Variants in CTNNA1 observed in about 807,000 individuals in gnomAD.
The protein encoded by CTNNA1 is catenin alpha-1.
Under a neutral mutation model 98.4 loss-of-function variants are expected in CTNNA1, and 37 were observed. The ratio of observed to expected loss-of-function variants is 0.38; its 90% CI spans 0.29 to 0.49. CTNNA1 has a LOEUF of 0.49. Ranked by LOEUF, CTNNA1 falls within the 20% of genes least tolerant of loss-of-function variation. CTNNA1 has a pLI of 0.95. For synonymous variants in CTNNA1, 404 were observed against 413.2 expected (o/e 0.98, Z 0.27); for missense variants, 761 against 1,147.2 (o/e 0.66, Z 4.86).
chr5:138,925,982 C>T (rs9327829), intron 13 of CTNNA1, among the ~76,000 whole-genome samples: 44,203 of 152,020 alleles, frequency 0.29, 6,592 homozygotes, highest in African/African-American at 0.32. Flanking sequence ...CCCGGCATAC[C>T]GTCCTGCTCT....
intron 3 of CTNNA1, among the ~76,000 whole-genome samples, chr5:138,804,561 A>G (rs1757894851): frequency 6.6e-6 from 1 of 152,232 alleles, no homozygotes; most frequent in African/African-American, 2.4e-5. Context: ...TAAAGGGAAC[A>G]ATACAGTATT....
intron 10 of CTNNA1, among the ~76,000 whole-genome samples, chr5:138,906,734 A>G (rs1759336009): frequency 6.6e-6 from 1 of 152,224 alleles, no homozygotes; most frequent in Admixed American, 6.5e-5. Context: ...TTAGGCAGAC[A>G]GTGCCCAGAC....
At chr5:138,764,140 G>A (rs1752649726) in intron 1 of CTNNA1, among the ~76,000 whole-genome samples, 1 of 152,148 alleles carries the variant, frequency 6.6e-6, no homozygotes, top group Non-Finnish European at 1.5e-5. Flanking sequence ...AGCTGAGATT[G>A]TGCCATTGCA....
chr5:138,810,800 T>C (rs13182509), intron 4 of CTNNA1, among the ~76,000 whole-genome samples: 1 of 152,242 alleles, frequency 6.6e-6, no homozygotes, highest in Admixed American at 6.5e-5. Context: ...CAATGAGCTG[T>C]TGGGTACACC....
intron 5 of CTNNA1, among the ~76,000 whole-genome samples, chr5:138,815,161 A>G (rs956995658): frequency 2.0e-5 from 3 of 152,040 alleles, no homozygotes; most frequent in Non-Finnish European, 4.4e-5. Flanking sequence ...TTTTAATACC[A>G]TGTTCCATGG....
chr5:138,905,010 C>T (rs1334065746), intron 10 of CTNNA1, among the ~76,000 whole-genome samples: 2 of 148,344 alleles, frequency 1.3e-5, no homozygotes, highest in Admixed American at 6.8e-5. Flanking sequence ...AGCAGAATGG[C>T]GTGAACCTGG....
chr5:138,754,867 C>A (rs569609966), intron 1 of CTNNA1: 1 of 152,284 alleles, frequency 6.6e-6, no homozygotes, highest in South Asian at 2.1e-4. Flanking sequence ...AAGTGATCCC[C>A]CCACCTCGGC....
At chr5:138,811,057 G>A (rs866103589) in intron 4 of CTNNA1, among the ~76,000 whole-genome samples, 1,937 of 151,810 alleles carry the variant, frequency 0.013, 12 homozygotes, top group African/African-American at 0.036. Context: ...GCTGCCGGGC[G>A]GAGACGCTCC....
chr5:138,787,420 A>C (rs1219005522), intron 3 of CTNNA1, among the ~76,000 whole-genome samples: 1 of 148,126 alleles, frequency 6.8e-6, no homozygotes, highest in Non-Finnish European at 1.5e-5. Flanking sequence ...TCCGTCTCCA[A>C]AAAAAAAAAA....
intron 13 of CTNNA1, among the ~76,000 whole-genome samples, chr5:138,927,155 G>A (rs1416039182): frequency 3.9e-5 from 6 of 152,102 alleles, no homozygotes; most frequent in Admixed American, 2.6e-4. Flanking sequence ...CCCATCCTGG[G>A]TGCCTACAGT....
At position 138,753,463 on chromosome 5, in the gene CTNNA1, C is replaced by T. The variant is rs935824136; in HGVS notation, c.-50C>T. On this transcript the variant is annotated 5_prime_UTR_variant, in exon 1 of 18. Transcript: ENST00000302763. Reference sequence around the variant, plus strand: ...GACTGGAGGGAGACAAAGCAGCGCCCGTCTGCTTCGGGCCTCTGGAATTTA... The same window carrying T: ...GACTGGAGGGAGACAAAGCAGCGCCTGTCTGCTTCGGGCCTCTGGAATTTA... 15 of 377,904 alleles carry T rather than the reference C, an allele frequency of 4.0e-5. No individual in the cohort carries two copies. Among genetic ancestry groups the T allele is most frequent in the East Asian group, 1.5e-4 (4 of 26,550 alleles). The allele number at this position is 377,904 out of a possible 1,614,324, so 23.4% of individuals were successfully genotyped here.
rs77548631 is a variant in CTNNA1, at chr5:138,902,737, G to A, written c.1297-1612G>A. 8.4e-3 allele frequency among the ~76,000 whole-genome samples: 1,275 copies of A among 152,270 alleles called. 9 individuals carry two copies. The highest frequency in any genetic ancestry group is 0.013 in the Non-Finnish European group (906 of 68,022). On this transcript the variant is annotated intron_variant, in intron 9 of 17. Transcript: ENST00000302763. ...CCCGGTACACCAGCGATCTTTGTTA[G>A]TCACAAAATGCTAATTTTTTCAATG...
intron 17 of CTNNA1, 115 bp downstream of exon 17, chr5:138,932,827 A>T (rs897274967): frequency 9.1e-6 from 12 of 1,321,250 alleles, no homozygotes; most frequent in Non-Finnish European, 1.2e-5. Flanking sequence ...GCTGTGCAGA[A>T]ACTCCAAGTC....
intron 3 of CTNNA1, among the ~76,000 whole-genome samples, chr5:138,806,135 C>A (rs1320502775): frequency 6.6e-6 from 1 of 152,194 alleles, no homozygotes; most frequent in Non-Finnish European, 1.5e-5. Flanking sequence ...GTGGACAAGA[C>A]CATTCTTCAT....
rs780754627 is a variant in CTNNA1, at chr5:138,874,887, CAT to C, written c.1063-11321_1063-11320del. 20 of 1,608,650 alleles carry C rather than the reference CAT, an allele frequency of 1.2e-5. No individual in the cohort carries two copies. Among genetic ancestry groups the C allele is most frequent in the Admixed American group, 1.7e-5 (1 of 59,324 alleles). The stretch of plus-strand genomic sequence containing the variant: ...GTGATTCCTTGTTGAATGTACAAGA[CAT>C]ATAAATGCACAGACTTACCCATTCT... On this transcript the variant is annotated intron_variant, in intron 7 of 17. Transcript: ENST00000302763. The surrounding 1 kb of genome is among the most constrained non-coding windows in gnomAD (Gnocchi z 4.1).
intron 1 of CTNNA1, among the ~76,000 whole-genome samples, chr5:138,781,607 G>C (rs534072129): frequency 2.4e-4 from 37 of 151,492 alleles, no homozygotes; most frequent in South Asian, 1.7e-3. Context: ...TTTTCATCTT[G>C]TTTCTAAAGG....
In CTNNA1 at chr5:138,866,273, C is replaced by CATTTATTTATTT. The variant is rs201730664; in HGVS notation, c.1063-19894_1063-19883dup. On this transcript the variant is annotated intron_variant, in intron 7 of 17. Coordinates refer to ENST00000302763, the MANE Select transcript of CTNNA1 (RefSeq NM_001903.5). ...GCAACCTGTAGATTCTGTTGTAACT[C>CATTTATTTATTT]ATTTATTTATTTATTTATTTATTTA... Among the ~76,000 whole-genome samples the CATTTATTTATTT allele has an allele frequency of 5.6e-3, 771 of 138,574 alleles. 5 individuals are homozygous for CATTTATTTATTT. Among genetic ancestry groups the CATTTATTTATTT allele is most frequent in the East Asian group, 8.6e-3 (40 of 4,654 alleles). 90.9% of individuals were successfully genotyped at this position (138,574 alleles called of 152,430 possible).
chr5:138,905,756 T>G (rs1445076262), intron 10 of CTNNA1, among the ~76,000 whole-genome samples: 1 of 152,236 alleles, frequency 6.6e-6, no homozygotes, highest in South Asian at 2.1e-4. Context: ...TTTGTCTGGC[T>G]TGACACTCCT....
rs1561623952 is a variant in CTNNA1 at position 138,874,490 on chromosome 5, A to G, written c.1063-11722A>G. ...CATACCCAGGGCAGGCAGCATTTTT[A>G]AAACCATACTCATTGCATATATTGC... On this transcript the variant is annotated intron_variant, in intron 7 of 17. Transcript: ENST00000302763. The surrounding 1 kb of genome is among the most constrained non-coding windows in gnomAD (Gnocchi z 4.1). 6.2e-7 allele frequency: 1 copy of G among 1,611,310 alleles called. No homozygotes were observed. The highest frequency in any genetic ancestry group is 8.5e-7 in the Non-Finnish European group (1 of 1,178,628).
Sources: allele counts gnomAD v4.1 joint callset (sites outside exome capture counted in the v4.1 genomes callset), GRCh38; gene constraint gnomAD v4.1.1; non-coding constraint Gnocchi (gnomAD v3.1); transcripts MANE v1.5; gene names NCBI Gene and HGNC (gene_info 2026-07-23, HGNC 2026-07-21).